ADAMTSL3: variants seen among roughly 807,000 people sequenced by gnomAD.
ADAMTSL3 encodes ADAMTS-like protein 3.
In ADAMTSL3, 128 loss-of-function variants were observed where a neutral mutation model predicts 201.7. The ratio of observed to expected loss-of-function variants is 0.63; its 90% confidence interval spans 0.55 to 0.73. ADAMTSL3 has a LOEUF of 0.73. Among genes scored for constraint, ADAMTSL3 ranks in the 30% least tolerant of loss-of-function variants. The probability of loss-of-function intolerance (pLI) is 0.00; values close to 1 mark genes in which losing one functional copy is unlikely to be tolerated. For missense variants in ADAMTSL3, 1,990 were observed against 2,119.6 expected (o/e 0.94, Z 1.20); for synonymous variants, 738 against 748.4 (o/e 0.99, Z 0.23).
intron 3 of ADAMTSL3, among the ~76,000 whole-genome samples, chr15:83,772,626 A>G (rs1596178837): frequency 6.6e-6 from 1 of 152,048 alleles, no homozygotes; most frequent in Non-Finnish European, 1.5e-5. Context: ...GGTTCCACAA[A>G]TCCTTATGCA....
chr15:84,026,983 C>CA (rs2068322569), intron 27 of ADAMTSL3, among the ~76,000 whole-genome samples: 2 of 152,098 alleles, frequency 1.3e-5, no homozygotes, highest in Non-Finnish European at 2.9e-5. Flanking sequence ...AGTAAACAGA[C>CA]AACCTATAGA....
chr15:83,826,435 CT>C (rs11342592), intron 6 of ADAMTSL3, among the ~76,000 whole-genome samples: 64,670 of 142,240 alleles, frequency 0.45, 15,300 homozygotes, highest in African/African-American at 0.64. Context: ...GGAAGCAGAT[CT>C]TTTTTTTTTT....
intron 23 of ADAMTSL3, among the ~76,000 whole-genome samples, chr15:84,011,763 T>C (rs2068010373): frequency 6.6e-6 from 1 of 152,200 alleles, no homozygotes; most frequent in South Asian, 2.1e-4. Flanking sequence ...AGAAACAAGA[T>C]AAATATGCAG....
rs111436700 is a variant in ADAMTSL3, at chr15:83,889,860, A to G, written c.1073-249A>G. Among the ~76,000 whole-genome samples, 316 of 152,268 alleles carry G rather than the reference A, an allele frequency of 2.1e-3. 1 individual carries two copies. Among genetic ancestry groups the G allele is most frequent in the Middle Eastern group, 3.4e-3 (1 of 294 alleles). Reference sequence around the variant, plus strand: ...TTTAGTCATCTGAGAAGAACCTGAGAATCTTTTTAAAAAGATACTGTTTTC... The same window carrying G: ...TTTAGTCATCTGAGAAGAACCTGAGGATCTTTTTAAAAAGATACTGTTTTC... On this transcript the variant is annotated intron_variant, in intron 10 of 29. Transcript: ENST00000286744.
chr15:83,866,436 A>G (rs941678951), intron 8 of ADAMTSL3, among the ~76,000 whole-genome samples: 1 of 152,232 alleles, frequency 6.6e-6, no homozygotes, highest in Non-Finnish European at 1.5e-5. Context: ...GCCATAAAAA[A>G]GGATGAGTTC....
At chr15:83,852,181 C>T (rs994403354) in intron 7 of ADAMTSL3, among the ~76,000 whole-genome samples, 1 of 149,174 alleles carries the variant, frequency 6.7e-6, no homozygotes, top group African/African-American at 2.4e-5. Flanking sequence ...GGTATGGTCT[C>T]GGCTCACTAT....
chr15:83,871,857 G>A (rs1195101058), intron 9 of ADAMTSL3, among the ~76,000 whole-genome samples: 1 of 152,126 alleles, frequency 6.6e-6, no homozygotes, highest in Non-Finnish European at 1.5e-5. Flanking sequence ...AATGTAAATG[G>A]AAGCTAGGAA....
chr15:83,718,555 T>C (rs536566699), intron 3 of ADAMTSL3, among the ~76,000 whole-genome samples: 2 of 151,916 alleles, frequency 1.3e-5, no homozygotes, highest in East Asian at 3.9e-4. Context: ...AATACAAAAA[T>C]TAGCCAGGCG....
At chr15:83,827,422 G>C (rs892562917) in intron 6 of ADAMTSL3, among the ~76,000 whole-genome samples, 1 of 152,180 alleles carries the variant, frequency 6.6e-6, no homozygotes, top group Middle Eastern at 3.2e-3. Context: ...CCCTTTGTCA[G>C]ACGAGTAGAT....
chr15:83,717,983 C>T (rs116331268), intron 3 of ADAMTSL3, among the ~76,000 whole-genome samples: 2 of 151,924 alleles, frequency 1.3e-5, no homozygotes, highest in Non-Finnish European at 2.9e-5. Flanking sequence ...CTTGAAAATC[C>T]GTATTCTTGA....
At chr15:83,823,560 G>T (rs990221055) in intron 6 of ADAMTSL3, among the ~76,000 whole-genome samples, 24 of 152,216 alleles carry the variant, frequency 1.6e-4, no homozygotes, top group Non-Finnish European at 3.5e-4. Flanking sequence ...CCCTCCCAAA[G>T]ATTACTTTTA....
chr15:83,716,336 C>G (rs1170666286), intron 3 of ADAMTSL3, among the ~76,000 whole-genome samples: 1 of 116,892 alleles, frequency 8.6e-6, no homozygotes, highest in Non-Finnish European at 1.7e-5. Context: ...AACCCTGTCT[C>G]TACTAAAAAC....
chr15:83,875,721 T>A (rs1228509619), intron 9 of ADAMTSL3, among the ~76,000 whole-genome samples: 1 of 152,054 alleles, frequency 6.6e-6, no homozygotes, highest in East Asian at 1.9e-4. Context: ...AAGTGGAGGT[T>A]GCAGTGAGCC....
At chr15:83,885,236 AAT>A (rs756205012) in intron 10 of ADAMTSL3, 24 bp downstream of exon 10, 1 of 1,537,770 alleles carries the variant, frequency 6.5e-7, no homozygotes, top group South Asian at 1.1e-5. Flanking sequence ...TTTGTTCATG[AAT>A]ATTTAGAGCT....
rs539742002 is a variant in ADAMTSL3 at position 83,910,996 on chromosome 15, A to G, written c.1701-2096A>G. Among the ~76,000 whole-genome samples the G allele has an allele frequency of 6.6e-5, 10 of 152,302 alleles. No individual in the cohort carries two copies. The South Asian group carries it at 2.1e-3, about 32-fold the overall frequency. The stretch of plus-strand genomic sequence containing the variant: ...AGATTCTCAATCACCAAGATACAGA[A>G]GTCCAATTTGAATGAAAATATCTAC... On this transcript the variant is annotated intron_variant, in intron 15 of 29. Transcript: ENST00000286744.
At chr15:83,888,467 A>G (rs2065441287) in intron 10 of ADAMTSL3, among the ~76,000 whole-genome samples, 1 of 152,172 alleles carries the variant, frequency 6.6e-6, no homozygotes, top group African/African-American at 2.4e-5. Flanking sequence ...AAAATAAAAC[A>G]CACACATAAA....
intron 2 of ADAMTSL3, among the ~76,000 whole-genome samples, chr15:83,667,500 A>G (rs1173083625): frequency 6.7e-6 from 1 of 150,316 alleles, no homozygotes; most frequent in Non-Finnish European, 1.5e-5. Context: ...GCCAGCTTCC[A>G]AACACAAATT....
intron 15 of ADAMTSL3, among the ~76,000 whole-genome samples, chr15:83,903,332 C>T (rs905666885): frequency 1.7e-4 from 25 of 150,654 alleles, no homozygotes; most frequent in African/African-American, 5.6e-4. Flanking sequence ...TGGCATTAAG[C>T]ACACTCACAT....
chr15:83,665,079 C>T (rs766607948), intron 2 of ADAMTSL3, among the ~76,000 whole-genome samples: 8 of 152,234 alleles, frequency 5.3e-5, no homozygotes, highest in Non-Finnish European at 7.4e-5. Flanking sequence ...CTCTTCTAGG[C>T]GGGCAATGAT....
Sources: gnomAD v4.1 joint callset for allele counts (sites outside exome capture counted in the v4.1 genomes callset) on GRCh38, gnomAD v4.1.1 for gene constraint, MANE v1.5 for transcripts, NCBI Gene and HGNC (gene_info 2026-07-23, HGNC 2026-07-21) for gene names.